The following CNGA1 variants were observed in gnomAD, a reference collection of about 807,000 sequenced individuals.
CNGA1 encodes cyclic nucleotide-gated channel alpha-1.
In CNGA1, 53 loss-of-function variants were observed where a neutral mutation model predicts 69.7. The observed-to-expected ratio is 0.76, with a 90% confidence interval of 0.61 to 0.96. CNGA1 has a LOEUF of 0.96. CNGA1 is among the 40% of genes least tolerant of loss of function. The pLI is 0.00. For synonymous variants in CNGA1, 249 were observed against 283.5 expected (o/e 0.88, Z 1.22); for missense variants, 739 against 811.2 (o/e 0.91, Z 1.08).
chr4:47,981,046 A>G (rs1490714432), intron 3 of CNGA1, among the ~76,000 whole-genome samples: 1 of 152,210 alleles, frequency 6.6e-6, no homozygotes, highest in Admixed American at 6.5e-5. Context: ...ATAGTGTCCT[A>G]TCTCCAAATT....
At chr4:47,957,156 G>A (rs1008091461) in intron 3 of CNGA1, among the ~76,000 whole-genome samples, 3 of 151,954 alleles carry the variant, frequency 2.0e-5, no homozygotes, top group Admixed American at 6.6e-5. Flanking sequence ...GGCTGGTCTC[G>A]AACTCCTGAC....
chr4:47,944,629 C>A (rs547808219), intron 6 of CNGA1, among the ~76,000 whole-genome samples: 2 of 152,228 alleles, frequency 1.3e-5, no homozygotes, highest in East Asian at 3.9e-4. Context: ...TGGAAGATAG[C>A]CTACCAGCTA....
intron 1 of CNGA1, among the ~76,000 whole-genome samples, chr4:48,013,612 G>A (rs1449034718): frequency 2.0e-5 from 3 of 152,240 alleles, no homozygotes; most frequent in Non-Finnish European, 4.4e-5. Flanking sequence ...ATATGTCAGT[G>A]AGCAGAGGTG....
intron 3 of CNGA1, among the ~76,000 whole-genome samples, chr4:47,974,167 A>C (rs1298297303): frequency 1.3e-5 from 2 of 148,342 alleles, no homozygotes; most frequent in African/African-American, 5.0e-5. Flanking sequence ...AATTTAAAAA[A>C]GAAAAAGCAA....
At chr4:47,957,376 AGGCTGAGGT>A (rs985035758) in intron 3 of CNGA1, among the ~76,000 whole-genome samples, 2 of 152,130 alleles carry the variant, frequency 1.3e-5, no homozygotes, top group African/African-American at 4.8e-5. Context: ...GCACTTTGGG[AGGCTGAGGT>A]GGTAGGATTG....
intron 3 of CNGA1, among the ~76,000 whole-genome samples, chr4:47,975,598 A>T (rs929180355): frequency 1.3e-5 from 2 of 152,202 alleles, no homozygotes; most frequent in Non-Finnish European, 2.9e-5. Context: ...AGAGCATGTA[A>T]GCATAATTAA....
chr4:47,943,932 G>T (rs1313555320), intron 6 of CNGA1, among the ~76,000 whole-genome samples: 1 of 152,074 alleles, frequency 6.6e-6, no homozygotes, highest in Non-Finnish European at 1.5e-5. Flanking sequence ...CAGATTTAAG[G>T]CCACCTTTTT....
At chr4:47,974,871 G>C (rs1741267784) in intron 3 of CNGA1, among the ~76,000 whole-genome samples, 1 of 151,986 alleles carries the variant, frequency 6.6e-6, no homozygotes, top group Non-Finnish European at 1.5e-5. Context: ...CAAATTACCT[G>C]TGAAACCCTG....
intron 2 of CNGA1, among the ~76,000 whole-genome samples, chr4:47,992,936 C>G (rs1216993078): frequency 1.3e-5 from 2 of 152,088 alleles, no homozygotes; most frequent in African/African-American, 4.8e-5. Flanking sequence ...TTTTCTGCAT[C>G]TATTAAGATG....
In CNGA1 at chr4:47,937,536, A is replaced by T; in HGVS notation, c.946T>A (p.Ser316Thr). The change falls in exon 11 of 11, where the codon TCT becomes ACT. Residue 316 changes from serine to threonine, a missense_variant. By Grantham distance (58) the Ser-to-Thr change is moderately conservative. Transcript: ENST00000514170. ...CCAAATCCAATAGCTTTAGAAATAG[A>T]GTAGAACACACATGCATTCCAGTGG... ...IIHWNACVFY[S>T]ISKAIGFGND... is the part of the protein sequence containing the mutation. 6.2e-7 allele frequency: 1 copy of T among 1,614,232 alleles called. No individual in the cohort carries two copies. The highest frequency in any genetic ancestry group is 8.5e-7 in the Non-Finnish European group (1 of 1,180,032).
chr4:47,947,181 C>T (rs1739447091), intron 6 of CNGA1, among the ~76,000 whole-genome samples: 1 of 152,138 alleles, frequency 6.6e-6, no homozygotes, highest in Admixed American at 6.5e-5. Flanking sequence ...TCAGCCCCCA[C>T]CTGTGGTCAT....
In CNGA1 at chr4:47,942,153, C is replaced by T. The variant is rs571087213; in HGVS notation, c.438-5G>A. On this transcript the variant is annotated splice_polypyrimidine_tract_variant and splice_region_variant and intron_variant, in intron 8 of 10. Transcript: ENST00000514170. ...ACCACAACTTCTTTCTTCTCCCTAG[C>T]GGCAATTAGAAATAAAGGGGATAGT... 1.1e-5 allele frequency: 17 copies of T among 1,577,264 alleles called. No individual in the cohort carries two copies. Among genetic ancestry groups the T allele is most frequent in the East Asian group, 9.0e-5 (4 of 44,674 alleles).
At chr4:47,997,408 C>T (rs1714419830) in intron 2 of CNGA1, among the ~76,000 whole-genome samples, 1 of 152,040 alleles carries the variant, frequency 6.6e-6, no homozygotes. Flanking sequence ...AAAAACAAAC[C>T]TTCATAACCA....
At chr4:47,941,015 G>C (rs1739041474) in intron 9 of CNGA1, 146 bp from the exon 10 acceptor site, 1 of 610,458 alleles carries the variant, frequency 1.6e-6, no homozygotes, top group African/African-American at 1.9e-5. Flanking sequence ...AATTAACCAT[G>C]GCTCTCCCGA....
chr4:48,009,679 C>T (rs147677130), intron 2 of CNGA1, among the ~76,000 whole-genome samples: 63 of 152,036 alleles, frequency 4.1e-4, no homozygotes, highest in Non-Finnish European at 7.1e-4. Flanking sequence ...TGGTGCTTGC[C>T]TGTAATGCCA....
chr4:47,964,963 C>A (rs1740643990), intron 3 of CNGA1, among the ~76,000 whole-genome samples: 1 of 152,080 alleles, frequency 6.6e-6, no homozygotes, highest in Non-Finnish European at 1.5e-5. Context: ...CTGGCCTTTA[C>A]AACATTTTTT....
In CNGA1 at chr4:47,990,431, A is replaced by C. The variant is rs79646436; in HGVS notation, c.-122-8931T>G. ...ACCCTCAGGCTTACTGGGATTGGAA[A>C]ATTCCAGCCTGGTAAATTCTAGTCA... On this transcript the variant is annotated intron_variant, in intron 2 of 10. Coordinates refer to ENST00000514170, the MANE Select transcript of CNGA1 (RefSeq NM_001379270.1). Among the ~76,000 whole-genome samples the C allele has an allele frequency of 9.3e-3, 1,422 of 152,190 alleles. 4 individuals are homozygous for C. The highest frequency in any genetic ancestry group is 0.015 in the Non-Finnish European group (1,025 of 68,000).
chr4:48,002,111 CAA>C (rs1210217997), intron 2 of CNGA1, among the ~76,000 whole-genome samples: 2 of 151,976 alleles, frequency 1.3e-5, no homozygotes, highest in Admixed American at 6.6e-5. Flanking sequence ...GGTTTAAAAT[CAA>C]AGTCTAAACT....
At chr4:47,977,064 A>G (rs1488619749) in intron 3 of CNGA1, among the ~76,000 whole-genome samples, 1 of 152,242 alleles carries the variant, frequency 6.6e-6, no homozygotes, top group Non-Finnish European at 1.5e-5. Flanking sequence ...TAAAAGGTAA[A>G]GAATGAAGAA....
Sources: gnomAD v4.1 joint callset for allele counts (sites outside exome capture counted in the v4.1 genomes callset) on GRCh38, gnomAD v4.1.1 for gene constraint, MANE v1.5 for transcripts, NCBI Gene and HGNC (gene_info 2026-07-23, HGNC 2026-07-21) for gene names.